ACSBG2: variants seen among roughly 807,000 people sequenced by gnomAD.
The protein encoded by ACSBG2 is acyl-CoA synthetase bubblegum family member 2.
Under a neutral mutation model 74.7 loss-of-function variants are expected in ACSBG2, and 62 were observed. That is an observed-to-expected ratio of 0.83 (90% CI 0.68 to 1.03). ACSBG2 has a LOEUF of 1.03. ACSBG2 is among the 50% of genes least tolerant of loss of function. ACSBG2 has a pLI of 0.00. For synonymous variants in ACSBG2, 309 were observed against 294.1 expected (o/e 1.05, Z -0.52); for missense variants, 730 against 817.6 (o/e 0.89, Z 1.31).
intron 4 of ACSBG2, among the ~76,000 whole-genome samples, chr19:6,153,387 T>C (rs1398353280): frequency 6.6e-6 from 1 of 152,164 alleles, no homozygotes; most frequent in East Asian, 1.9e-4. Context: ...CAAGTAATAA[T>C]GATGGTGACG....
intron 2 of ACSBG2, among the ~76,000 whole-genome samples, chr19:6,145,819 C>T (rs937710148): frequency 1.3e-5 from 2 of 152,248 alleles, no homozygotes; most frequent in African/African-American, 4.8e-5. Context: ...CCTCAACAAC[C>T]CCCTCAACAA....
rs201165335 is a variant in ACSBG2, at chr19:6,181,376, AG to A, written c.907-1373del. ...AGAAAGAAAAAGAAAGAAAGGAGAA[AG>A]GAAAAAAATTAAAAATGAAAAAAAT... On this transcript the variant is annotated intron_variant, in intron 8 of 14. Transcript: ENST00000588485. Among the ~76,000 whole-genome samples, 213 of 152,086 alleles carry A rather than the reference AG, an allele frequency of 1.4e-3. 6 individuals carry two copies. The East Asian group carries it at 0.031, about 22-fold the overall frequency.
intron 2 of ACSBG2, among the ~76,000 whole-genome samples, chr19:6,143,854 A>T (rs1328933567): frequency 6.6e-6 from 1 of 152,118 alleles, no homozygotes; most frequent in African/African-American, 2.4e-5. Flanking sequence ...AGTTGTTATG[A>T]GATTAATTGT....
In ACSBG2 at chr19:6,180,688, TAC is replaced by T. The variant is rs1357336552; in HGVS notation, c.907-2061_907-2060del. 1.3e-5 allele frequency among the ~76,000 whole-genome samples: 2 copies of T among 152,228 alleles called. No individual in the cohort carries two copies. Among genetic ancestry groups the T allele is most frequent in the African/African-American group, 4.8e-5 (2 of 41,452 alleles). ...ACGTGCACCAGAAATGTGCGAAGGT[TAC>T]AGTTTCTCTACATCTTCACTAACGC... On this transcript the variant is annotated intron_variant, in intron 8 of 14. Transcript: ENST00000588485. The surrounding 1 kb of genome is among the most constrained non-coding windows in gnomAD (Gnocchi z 4.3).
chr19:6,168,550 G>T (rs2089876825), intron 7 of ACSBG2, among the ~76,000 whole-genome samples: 1 of 152,126 alleles, frequency 6.6e-6, no homozygotes, highest in Non-Finnish European at 1.5e-5. Flanking sequence ...TGATGAGCAG[G>T]AGGACTCAAT....
chr19:6,190,593 T>C lies in ACSBG2; in HGVS notation c.1937T>C (p.Met646Thr). ...SIYGGELGPM[M>T]KLKRHFVAQK... ...TCTCCTTTCTCGATAGGTCCAATGA[T>C]GAAACTTAAGAGACATTTTGTAGCC... The change falls in exon 14 of 15, where the codon ATG becomes ACG. Residue 646 changes from methionine to threonine, a missense_variant. By Grantham distance (81) the Met-to-Thr change is moderately conservative. Coordinates refer to ENST00000588485, the MANE Select transcript of ACSBG2 (RefSeq NM_030924.5). 1 of 1,613,956 alleles carries C rather than the reference T, an allele frequency of 6.2e-7. No homozygotes were observed. The highest frequency in any genetic ancestry group is 8.5e-7 in the Non-Finnish European group (1 of 1,179,872).
intron 5 of ACSBG2, 98 bp from the exon 6 acceptor site, chr19:6,161,117 C>T: frequency 1.3e-6 from 1 of 757,060 alleles, no homozygotes; most frequent in African/African-American, 1.9e-5. Context: ...AAAAAAGAGG[C>T]TAGAGTTGCT....
intron 6 of ACSBG2, among the ~76,000 whole-genome samples, chr19:6,162,820 C>T (rs976668247): frequency 1.3e-5 from 2 of 151,850 alleles, no homozygotes; most frequent in Non-Finnish European, 2.9e-5. Context: ...CCCTGCCTCC[C>T]ACTTGAAACA....
intron 1 of ACSBG2, among the ~76,000 whole-genome samples, 167 bp downstream of exon 1, chr19:6,136,076 G>GT (rs1190925598): frequency 2.0e-5 from 3 of 151,860 alleles, no homozygotes; most frequent in African/African-American, 7.3e-5. Context: ...AAGTAGCTGA[G>GT]ATTACAGGCG....
At chr19:6,177,454 G>C in intron 8 of ACSBG2, 58 bp downstream of exon 8, 1 of 1,504,784 alleles carries the variant, frequency 6.6e-7, no homozygotes, top group South Asian at 1.4e-5. Flanking sequence ...GCCCAGGTGA[G>C]TAGATGGTTG....
intron 7 of ACSBG2, among the ~76,000 whole-genome samples, chr19:6,167,881 A>C (rs562034561): frequency 6.6e-6 from 1 of 152,144 alleles, no homozygotes; most frequent in African/African-American, 2.4e-5. Context: ...ATAGAGAAAA[A>C]TTATTTTTGG....
chr19:6,187,513 G>T, intron 12 of ACSBG2, 86 bp from the exon 13 acceptor site: 4 of 1,602,372 alleles, frequency 2.5e-6, no homozygotes, highest in Non-Finnish European at 3.4e-6. Flanking sequence ...TGCATCTGTG[G>T]GTTCAAGACC....
At chr19:6,159,002 G>A (rs1268425192) in intron 5 of ACSBG2, among the ~76,000 whole-genome samples, 12 of 151,356 alleles carry the variant, frequency 7.9e-5, no homozygotes, top group Non-Finnish European at 1.6e-4. Context: ...TTGTCGTCCA[G>A]TCTGGAGAGC....
chr19:6,190,581 T>C lies in ACSBG2; in HGVS notation c.1928-3T>C, dbSNP rs2090534666. 4 of 1,613,236 alleles carry C rather than the reference T, an allele frequency of 2.5e-6. No homozygotes were observed. The highest frequency in any genetic ancestry group is 2.2e-5 in the East Asian group (1 of 44,884). ...ACTCAATTGATTTCTCCTTTCTCGA[T>C]AGGTCCAATGATGAAACTTAAGAGA... On this transcript the variant is annotated splice_polypyrimidine_tract_variant and splice_region_variant and intron_variant, in intron 13 of 14. Coordinates refer to ENST00000588485, the MANE Select transcript of ACSBG2 (RefSeq NM_030924.5).
intron 1 of ACSBG2, among the ~76,000 whole-genome samples, chr19:6,136,324 C>A (rs1456753359): frequency 6.6e-6 from 1 of 152,158 alleles, no homozygotes; most frequent in South Asian, 2.1e-4. Context: ...AATCTCCTGA[C>A]CTCGTGATCC....
Position 6,180,431 on chromosome 19 carries a change from CCT to C in ACSBG2, c.907-2316_907-2315del, listed in dbSNP as rs1205076622. 4.6e-5 allele frequency among the ~76,000 whole-genome samples: 7 copies of C among 152,218 alleles called. No homozygotes were observed. The East Asian group carries it at 1.4e-3, about 29-fold the overall frequency. On this transcript the variant is annotated intron_variant, in intron 8 of 14. Transcript: ENST00000588485. The surrounding 1 kb of genome is among the most constrained non-coding windows in gnomAD (Gnocchi z 4.3). ...AATATTTCCTTGGCCCCTCTCAATC[CCT>C]CTCATATGCCCCATGCTCAGTGCCT... is the stretch of plus-strand genomic sequence containing the variant.
chr19:6,140,039 C>T (rs1026128414), intron 1 of ACSBG2, among the ~76,000 whole-genome samples: 8 of 152,018 alleles, frequency 5.3e-5, no homozygotes, highest in East Asian at 2.0e-4. Flanking sequence ...CTGGCAAACA[C>T]GGTGAAACCC....
rs58986943 is a variant in ACSBG2 at position 6,174,121 on chromosome 19, G to A, written c.739-3108G>A. Among the ~76,000 whole-genome samples, 3,110 of 152,092 alleles carry A rather than the reference G, an allele frequency of 0.02. 106 individuals are homozygous for A. Among genetic ancestry groups the A allele is most frequent in the African/African-American group, 0.07 (2,918 of 41,456 alleles). ...CCATCTAATTTTTGTATTATTAGTA[G>A]AGATGGGGTTTCACCACGTTGGCCA... On this transcript the variant is annotated intron_variant, in intron 7 of 14. Coordinates refer to ENST00000588485, the MANE Select transcript of ACSBG2 (RefSeq NM_030924.5). This position sits in a 1 kb window ranked among gnomAD's most constrained non-coding sequence, Gnocchi z 4.2.
At chr19:6,138,602 G>GAGGGAGGGAGGAAGGA (rs1555687911) in intron 1 of ACSBG2, among the ~76,000 whole-genome samples, 1 of 96,206 alleles carries the variant, frequency 1.0e-5, no homozygotes, top group African/African-American at 4.4e-5. Flanking sequence ...AAGAGAGAGG[G>GAGGGAGGGAGGAAGGA]AGGAAGGAAG....
Sources: allele counts gnomAD v4.1 joint callset (sites outside exome capture counted in the v4.1 genomes callset), GRCh38; gene constraint gnomAD v4.1.1; non-coding constraint Gnocchi (gnomAD v3.1); transcripts MANE v1.5; gene names NCBI Gene and HGNC (gene_info 2026-07-23, HGNC 2026-07-21).